Variants in SYT7 observed in about 807,000 individuals in gnomAD.
The protein encoded by SYT7 is synaptotagmin 7, also known as synaptotagmin-7.
A neutral mutation model predicts 75.1 loss-of-function variants in SYT7; 29 were observed. That is an observed-to-expected ratio of 0.39 (90% CI 0.29 to 0.53). The LOEUF (loss-of-function observed/expected upper bound fraction) is 0.53, where lower values mean the gene tolerates loss of function less well. Among genes scored for constraint, SYT7 ranks in the 20% least tolerant of loss-of-function variants. The pLI, the probability that SYT7 is intolerant of heterozygous loss-of-function variation, is 0.77. For missense variants in SYT7, 693 were observed against 953.2 expected, an observed-to-expected ratio of 0.73 and a Z score of 3.59; for synonymous variants, 376 against 401.7, an observed-to-expected ratio of 0.94 and a Z score of 0.76.
intron 9 of SYT7, chr11:61,525,724 C>T (rs555666450): frequency 6.6e-6 from 1 of 152,362 alleles, no homozygotes; most frequent in Non-Finnish European, 1.5e-5. Context: ...CCTAACACCG[C>T]TTCTGGCACA....
chr11:61,582,009 A>G (rs1302230999), upstream of SYT7, among the ~76,000 whole-genome samples: 1 of 152,014 alleles, frequency 6.6e-6, no homozygotes, highest in East Asian at 1.9e-4. Flanking sequence ...GATAAGAAAA[A>G]CCCAGAAATG....
the SYT7 span, among the ~76,000 whole-genome samples, chr11:61,588,060 G>C: frequency 6.6e-6 from 1 of 152,190 alleles, no homozygotes; most frequent in Non-Finnish European, 1.5e-5. Flanking sequence ...TCTGCACCGG[G>C]AGAGCTGTGA....
At chr11:61,582,132 ACC>A (rs1464138147), upstream of SYT7, among the ~76,000 whole-genome samples, 1 of 151,020 alleles carries the variant, frequency 6.6e-6, no homozygotes, top group Non-Finnish European at 1.5e-5. Context: ...CCACACACAC[ACC>A]CACACAGACA....
intron 7 of SYT7, among the ~76,000 whole-genome samples, chr11:61,536,345 A>G (rs2062869736): frequency 6.6e-6 from 1 of 152,186 alleles, no homozygotes; most frequent in Non-Finnish European, 1.5e-5. Context: ...TCATTAACAC[A>G]TGGGTGATGT....
At chr11:61,559,250 G>A (rs1387163275) in intron 1 of SYT7, among the ~76,000 whole-genome samples, 1 of 152,234 alleles carries the variant, frequency 6.6e-6, no homozygotes, top group Non-Finnish European at 1.5e-5. Flanking sequence ...ATCTGGGAAG[G>A]CCACCCTGAG....
chr11:61,558,128 T>G (rs2063543077), intron 1 of SYT7, among the ~76,000 whole-genome samples: 1 of 152,192 alleles, frequency 6.6e-6, no homozygotes, highest in South Asian at 2.1e-4. Context: ...TAAACGCCAT[T>G]CTTACGCTGA....
At chr11:61,585,650 C>T (rs967094057), upstream of SYT7, among the ~76,000 whole-genome samples, 3 of 152,172 alleles carry the variant, frequency 2.0e-5, no homozygotes, top group African/African-American at 7.2e-5. Flanking sequence ...TCTCTATACC[C>T]ACCTCATCAC....
At chr11:61,532,839 T>C (rs2062750587) in intron 8 of SYT7, 150 bp downstream of exon 8, 1 of 1,216,590 alleles carries the variant, frequency 8.2e-7, no homozygotes, top group African/African-American at 1.6e-5. Context: ...GTGGCCACCA[T>C]GCTGGGCCTG....
At position 61,517,601 on chromosome 11, in the gene SYT7, G is replaced by A. The variant is rs955593145; in HGVS notation, c.*1026C>T. The stretch of plus-strand genomic sequence containing the variant: ...AAGGGCAGGCAAGCTGGAAAGCATG[G>A]AGAATAGGGCAGATGTGGCTGCGTA... On this transcript the variant is annotated 3_prime_UTR_variant, in exon 13 of 13. Transcript: ENST00000539008. 4.8e-5 allele frequency: 19 copies of A among 399,536 alleles called. No homozygotes were observed. Among genetic ancestry groups the A allele is most frequent in the Non-Finnish European group, 6.2e-5 (14 of 226,678 alleles). 24.7% of individuals were successfully genotyped at this position (399,536 alleles called of 1,614,324 possible).
At chr11:61,579,009 T>G (rs1317672886) in intron 1 of SYT7, among the ~76,000 whole-genome samples, 1 of 152,114 alleles carries the variant, frequency 6.6e-6, no homozygotes, top group African/African-American at 2.4e-5. Flanking sequence ...CACGTCAAGC[T>G]GGCCTCCGTG....
chr11:61,568,193 C>T (rs974559620), intron 1 of SYT7, among the ~76,000 whole-genome samples: 8 of 144,670 alleles, frequency 5.5e-5, no homozygotes, highest in Middle Eastern at 3.4e-3. Context: ...TGTTCCCCCA[C>T]CCTACAGGTG....
At chr11:61,540,868 G>A (rs1045744566) in intron 6 of SYT7, 4 of 985,358 alleles carry the variant, frequency 4.1e-6, no homozygotes, top group African/African-American at 1.7e-5. Flanking sequence ...AAAACAAACC[G>A]CCACCTGGAA....
intron 6 of SYT7, chr11:61,541,178 T>C (rs961297597): frequency 2.0e-6 from 2 of 985,562 alleles, no homozygotes; most frequent in African/African-American, 3.5e-5. Flanking sequence ...AATCCCTATA[T>C]CTTGCCAATG....
chr11:61,520,537 T>G (rs376919329), intron 12 of SYT7, among the ~76,000 whole-genome samples: 2 of 145,188 alleles, frequency 1.4e-5, no homozygotes, highest in African/African-American at 2.5e-5. Flanking sequence ...AAAAAAAAGA[T>G]AGGGAGGTCA....
chr11:61,544,059 T>C (rs983234279), intron 5 of SYT7, among the ~76,000 whole-genome samples: 3 of 152,262 alleles, frequency 2.0e-5, no homozygotes, highest in African/African-American at 7.2e-5. Context: ...TTAGTTTACA[T>C]AGTGACTCTG....
chr11:61,533,706 ATTTGTGC>A, intron 7 of SYT7: 1 of 981,668 alleles, frequency 1.0e-6, no homozygotes. Context: ...AGTGTTCTGT[ATTTGTGC>A]TGTCCAGTGG....
chr11:61,551,604 A>G lies in SYT7; in HGVS notation c.136-141T>C. The G allele has an allele frequency of 1.2e-6, 1 of 819,254 alleles. No homozygotes were observed. Among genetic ancestry groups the G allele is most frequent in the Non-Finnish European group, 1.9e-6 (1 of 517,562 alleles). The allele number at this position is 819,254 out of a possible 1,614,324, so 50.7% of individuals were successfully genotyped here. ...GCCAGGACCAGTGTGCGAGGCTGTCACCGCGGTGGGGGCCAATCCCCTGGA... is the reference window on the plus strand; with the variant it reads ...GCCAGGACCAGTGTGCGAGGCTGTCGCCGCGGTGGGGGCCAATCCCCTGGA... On this transcript the variant is annotated intron_variant, in intron 2 of 12. Coordinates refer to ENST00000539008, the MANE Select transcript of SYT7 (RefSeq NM_001365809.2). The surrounding 1 kb of genome is among the most constrained non-coding windows in gnomAD (Gnocchi z 5.3).
At chr11:61,574,003 C>T (rs1282728832) in intron 1 of SYT7, among the ~76,000 whole-genome samples, 1 of 152,222 alleles carries the variant, frequency 6.6e-6, no homozygotes. Flanking sequence ...ACATAGTGAG[C>T]ACACAACATG....
At position 61,517,402 on chromosome 11, in the gene SYT7, C is replaced by T. The variant is rs975623966; in HGVS notation, c.*1225G>A. The T allele has an allele frequency of 2.5e-6, 1 of 398,750 alleles. No individual in the cohort carries two copies. 24.7% of individuals were successfully genotyped at this position (398,750 alleles called of 1,614,324 possible). ...AGTGAGTCGGGCAGAAGGAGCTGCT[C>T]CCGGGGACCAGGGAGTGGGGAAGGG... On this transcript the variant is annotated 3_prime_UTR_variant, in exon 13 of 13. Coordinates refer to ENST00000539008, the MANE Select transcript of SYT7 (RefSeq NM_001365809.2).
Sources: gnomAD v4.1 joint callset for allele counts (sites outside exome capture counted in the v4.1 genomes callset) on GRCh38, gnomAD v4.1.1 for gene constraint, Gnocchi (gnomAD v3.1) non-coding constraint, MANE v1.5 for transcripts, NCBI Gene and HGNC (gene_info 2026-07-23, HGNC 2026-07-21) for gene names.